ZZEF1: variants seen among roughly 807,000 people sequenced by gnomAD.
ZZEF1 encodes zinc finger ZZ-type and EF-hand domain-containing protein 1.
A neutral mutation model predicts 342.8 loss-of-function variants in ZZEF1; 157 were observed. The observed-to-expected ratio is 0.46, with a 90% CI of 0.40 to 0.52. The LOEUF is 0.52. ZZEF1 is among the 20% of genes least tolerant of loss of function. ZZEF1 has a pLI of 0.00. For synonymous variants in ZZEF1, 1,505 were observed against 1,429.1 expected, an observed-to-expected ratio of 1.05 and a Z score of -1.20; for missense variants, 3,480 against 3,725.6, an observed-to-expected ratio of 0.93 and a Z score of 1.72.
chr17:4,007,514 G>T (rs181498849), intron 54 of ZZEF1, among the ~76,000 whole-genome samples: 56 of 152,310 alleles, frequency 3.7e-4, no homozygotes, highest in Non-Finnish European at 6.6e-4. Flanking sequence ...GCTGTGGGGG[G>T]GGTCAGAAGA....
At chr17:4,141,683 C>T (rs1402661908) in intron 1 of ZZEF1, among the ~76,000 whole-genome samples, 3 of 148,214 alleles carry the variant, frequency 2.0e-5, no homozygotes, top group South Asian at 2.2e-4. Flanking sequence ...AAATCCTGCA[C>T]ATGTACGCCT....
chr17:4,012,039 G>A (rs2055974765), intron 52 of ZZEF1, among the ~76,000 whole-genome samples: 1 of 152,256 alleles, frequency 6.6e-6, no homozygotes, highest in Non-Finnish European at 1.5e-5. Flanking sequence ...GGGACAGAGG[G>A]TGCGGGATTG....
In ZZEF1 at chr17:4,008,011, C is replaced by A. The variant is rs2055849559; in HGVS notation, c.8805+872G>T. ...GATGATATTCAAGGAGTCCAAGGTT[C>A]TCAAAATGTACTCTGGGGCCAGGCG... On this transcript the variant is annotated intron_variant, in intron 54 of 54. Coordinates refer to ENST00000381638, the MANE Select transcript of ZZEF1 (RefSeq NM_015113.4). This position sits in a 1 kb window ranked among gnomAD's most constrained non-coding sequence, Gnocchi z 4.2. Among the ~76,000 whole-genome samples, 1 of 151,978 alleles carries A rather than the reference C, an allele frequency of 6.6e-6. No homozygotes were observed.
chr17:4,124,982 G>GA (rs1463366518), intron 1 of ZZEF1, among the ~76,000 whole-genome samples: 14 of 152,192 alleles, frequency 9.2e-5, no homozygotes, highest in African/African-American at 3.4e-4. Flanking sequence ...TTCTTGATCT[G>GA]AAAGATGCAG....
intron 1 of ZZEF1, 84 bp downstream of exon 1, chr17:4,142,458 T>C: frequency 1.4e-6 from 2 of 1,454,864 alleles, no homozygotes. Context: ...GCCTGGCCTC[T>C]CCAAAGCAAA....
chr17:4,030,027 T>TAA (rs66993338), intron 42 of ZZEF1, among the ~76,000 whole-genome samples: 12 of 130,958 alleles, frequency 9.2e-5, no homozygotes, highest in East Asian at 6.5e-4. Flanking sequence ...GAGATCCTAT[T>TAA]AAAAAAAAAA....
intron 34 of ZZEF1, 23 bp downstream of exon 34, chr17:4,054,034 C>G: frequency 1.2e-6 from 2 of 1,603,786 alleles, no homozygotes; most frequent in South Asian, 2.2e-5. Flanking sequence ...TTGGATACGG[C>G]GTACCCAGTT....
chr17:4,127,424 A>C (rs1000921335), intron 1 of ZZEF1, among the ~76,000 whole-genome samples: 1 of 152,252 alleles, frequency 6.6e-6, no homozygotes, highest in African/African-American at 2.4e-5. Context: ...ATATTTATGG[A>C]TGAAATGATA....
intron 40 of ZZEF1, chr17:4,033,784 G>C (rs963113521): frequency 5.2e-6 from 3 of 578,066 alleles, no homozygotes; most frequent in Admixed American, 3.1e-5. Flanking sequence ...TTAGAGAGTT[G>C]AATCAGCAGC....
chr17:4,047,809 T>C (rs1597809034), intron 37 of ZZEF1, among the ~76,000 whole-genome samples: 1 of 146,934 alleles, frequency 6.8e-6, no homozygotes. Context: ...GGCGTGGTGG[T>C]GGGCGCCTGT....
chr17:4,073,769 T>A, intron 24 of ZZEF1, among the ~76,000 whole-genome samples: 1 of 152,114 alleles, frequency 6.6e-6, no homozygotes, highest in East Asian at 1.9e-4. Context: ...ACAAAATCCA[T>A]AGTCACATAT....
Position 4,044,313 on chromosome 17 carries a change from T to G in ZZEF1, c.6077A>C (p.Asp2026Ala). The change falls in exon 38 of 55, where the codon GAT becomes GCT. Residue 2026 changes from aspartate (D) to alanine (A), a missense_variant. Coordinates refer to ENST00000381638, the MANE Select transcript of ZZEF1 (RefSeq NM_015113.4). ...ATCCTTCGATAATGATACACCTTTA[T>G]CTGCCTTATTTCTCTGCTTGAAATC... is the stretch of plus-strand genomic sequence containing the variant. Reference protein sequence around the residue: ...PVDFKQRNKADKGVSLSKDPS... With the variant: ...PVDFKQRNKAAKGVSLSKDPS... 6.2e-7 allele frequency: 1 copy of G among 1,614,178 alleles called. No individual in the cohort carries two copies. Among genetic ancestry groups the G allele is most frequent in the Non-Finnish European group, 8.5e-7 (1 of 1,180,006 alleles).
At chr17:4,070,101 G>T (rs1013425617) in intron 26 of ZZEF1, among the ~76,000 whole-genome samples, 3 of 152,158 alleles carry the variant, frequency 2.0e-5, no homozygotes, top group Non-Finnish European at 2.9e-5. Context: ...TAAGAGACAT[G>T]AGGAAAAGAG....
chr17:4,113,878 A>G lies in ZZEF1; in HGVS notation c.866+421T>C, dbSNP rs184757895. On this transcript the variant is annotated intron_variant, in intron 4 of 54. Transcript: ENST00000381638. ...TCCCAGCGACTGAGACTGAGGCAGGAGGACTGCTTGAACCCAGGAGTCTGA... is the reference window on the plus strand; with the variant it reads ...TCCCAGCGACTGAGACTGAGGCAGGGGGACTGCTTGAACCCAGGAGTCTGA... Among the ~76,000 whole-genome samples, 16 of 152,066 alleles carry G rather than the reference A, an allele frequency of 1.1e-4. No homozygotes were observed. The East Asian group carries it at 3.1e-3, about 29-fold the overall frequency.
At position 4,017,307 on chromosome 17, in the gene ZZEF1, G is replaced by A; in HGVS notation, c.8001+64C>T. On this transcript the variant is annotated intron_variant, in intron 48 of 54. Transcript: ENST00000381638. This position sits in a 1 kb window ranked among gnomAD's most constrained non-coding sequence, Gnocchi z 5.1. ...GCCTCGCTCCAGGAAGCACTCACTG[G>A]AGGAAGCCTGTGGGGCAGAGGAAGA... 6.5e-7 allele frequency: 1 copy of A among 1,534,558 alleles called. No homozygotes were observed. The highest frequency in any genetic ancestry group is 8.8e-7 in the Non-Finnish European group (1 of 1,141,458).
At chr17:4,007,050 G>GGGT in intron 54 of ZZEF1, 80 bp from the exon 55 acceptor site, 1 of 1,294,642 alleles carries the variant, frequency 7.7e-7, no homozygotes, top group Non-Finnish European at 1.1e-6. Context: ...CCTCAGCTGA[G>GGGT]CACTGAGGAT....
At chr17:4,015,146 A>C (rs1411244242) in intron 49 of ZZEF1, among the ~76,000 whole-genome samples, 1 of 152,184 alleles carries the variant, frequency 6.6e-6, no homozygotes, top group South Asian at 2.1e-4. Context: ...GAAATCAGAA[A>C]GTAGCAGCAA....
Position 4,022,823 on chromosome 17 carries a change from G to T in ZZEF1, c.7098C>A (p.His2366Gln), listed in dbSNP as rs780812706. Reference protein sequence around the residue: ...LKGLYKTLKAHGFEEIRATFL... With the variant: ...LKGLYKTLKAQGFEEIRATFL... Reference sequence around the variant, plus strand: ...AAGTAGCACGGATCTCCTCAAAACCGTGAGCCTGCCAAGCAGAAGAAGAAT... The same window carrying T: ...AAGTAGCACGGATCTCCTCAAAACCTTGAGCCTGCCAAGCAGAAGAAGAAT... The change falls in exon 44 of 55, where the codon CAC (histidine) becomes CAA (glutamine). Residue 2366 changes from histidine to glutamine, a missense_variant. His to Gln is a conservative substitution (Grantham distance 24). Transcript: ENST00000381638. 2.5e-6 allele frequency: 4 copies of T among 1,613,622 alleles called. No homozygotes were observed. Among genetic ancestry groups the T allele is most frequent in the Non-Finnish European group, 3.4e-6 (4 of 1,179,876 alleles).
intron 23 of ZZEF1, 151 bp from the exon 24 acceptor site, chr17:4,074,502 G>A: frequency 2.4e-6 from 2 of 821,482 alleles, no homozygotes; most frequent in Non-Finnish European, 3.9e-6. Context: ...GTACAAAGGG[G>A]TGACGGAAAC....
Sources: allele counts gnomAD v4.1 joint callset (sites outside exome capture counted in the v4.1 genomes callset), GRCh38; gene constraint gnomAD v4.1.1; non-coding constraint Gnocchi (gnomAD v3.1); transcripts MANE v1.5; gene names NCBI Gene and HGNC (gene_info 2026-07-23, HGNC 2026-07-21).